Variants in PPP3R1 observed in about 807,000 individuals in gnomAD.
The protein encoded by PPP3R1 is calcineurin subunit B type 1.
A neutral mutation model predicts 22.6 loss-of-function variants in PPP3R1; 5 were observed. That is an observed-to-expected ratio of 0.22 (90% CI 0.12 to 0.46). The LOEUF (loss-of-function observed/expected upper bound fraction) is 0.46, where lower values mean the gene tolerates loss of function less well. Among genes scored for constraint, PPP3R1 ranks in the 20% least tolerant of loss-of-function variants. The pLI is 0.99. For synonymous variants in PPP3R1, 56 were observed against 65.2 expected, an observed-to-expected ratio of 0.86 and a Z score of 0.68; for missense variants, 61 against 203.2, an observed-to-expected ratio of 0.30 and a Z score of 4.25.
At chr2:68,251,302 G>A (rs1011906275) in intron 1 of PPP3R1, among the ~76,000 whole-genome samples, 1 of 151,922 alleles carries the variant, frequency 6.6e-6, no homozygotes, top group African/African-American at 2.4e-5. Flanking sequence ...GTGAGGGTAA[G>A]GAAAGACAAA....
chr2:68,238,331 C>G (rs1451919719), intron 1 of PPP3R1, among the ~76,000 whole-genome samples: 1 of 152,124 alleles, frequency 6.6e-6, no homozygotes, highest in Non-Finnish European at 1.5e-5. Flanking sequence ...TGGCCATTAA[C>G]TGCCTGGGAG....
At chr2:68,247,757 T>C (rs1670263402) in intron 1 of PPP3R1, among the ~76,000 whole-genome samples, 1 of 152,232 alleles carries the variant, frequency 6.6e-6, no homozygotes, top group African/African-American at 2.4e-5. Context: ...CCACCTCTTT[T>C]CTTCCCCATA....
chr2:68,180,305 GAGA>G lies in PPP3R1; in HGVS notation c.*655_*657del, dbSNP rs754046174. ...GGTGTATTAAAAGCTGCTCAGCAAT[GAGA>G]AGTAGTCCCTGGATATATTCATAAG... On this transcript the variant is annotated 3_prime_UTR_variant, in exon 6 of 6. Coordinates refer to ENST00000234310, the MANE Select transcript of PPP3R1 (RefSeq NM_000945.4). 2.0e-5 allele frequency: 3 copies of G among 152,528 alleles called. No individual in the cohort carries two copies. The highest frequency in any genetic ancestry group is 2.9e-5 in the Non-Finnish European group (2 of 68,040). 9.4% of individuals were successfully genotyped at this position (152,528 alleles called of 1,614,324 possible).
intron 1 of PPP3R1, among the ~76,000 whole-genome samples, chr2:68,244,172 CAGA>C (rs1174534267): frequency 1.3e-5 from 2 of 152,146 alleles, no homozygotes; most frequent in Admixed American, 6.5e-5. Context: ...GTAAATTGAT[CAGA>C]AGAACAAATC....
intron 1 of PPP3R1, among the ~76,000 whole-genome samples, chr2:68,238,635 A>C (rs188603046): frequency 6.6e-6 from 1 of 152,178 alleles, no homozygotes; most frequent in African/African-American, 2.4e-5. Context: ...AAAAACTCTC[A>C]TGGCAATAGG....
At chr2:68,188,979 C>T (rs943111476) in intron 2 of PPP3R1, among the ~76,000 whole-genome samples, 2 of 152,114 alleles carry the variant, frequency 1.3e-5, no homozygotes, top group South Asian at 4.1e-4. Context: ...TCAAGATATT[C>T]CAGGCCGGAT....
At chr2:68,210,596 G>A (rs1669458948) in intron 2 of PPP3R1, among the ~76,000 whole-genome samples, 1 of 152,084 alleles carries the variant, frequency 6.6e-6, no homozygotes, top group Non-Finnish European at 1.5e-5. Context: ...CAGCATTCCT[G>A]GAATTATATT....
At chr2:68,204,610 A>G (rs998182201) in intron 2 of PPP3R1, among the ~76,000 whole-genome samples, 2 of 152,186 alleles carry the variant, frequency 1.3e-5, no homozygotes, top group African/African-American at 2.4e-5. Flanking sequence ...GGGGAAAGTA[A>G]TTGTGCCCCT....
intron 1 of PPP3R1, among the ~76,000 whole-genome samples, chr2:68,233,530 A>C (rs911484252): frequency 1.2e-4 from 19 of 152,228 alleles, no homozygotes; most frequent in African/African-American, 4.3e-4. Flanking sequence ...AAATGTAAAA[A>C]TAATATTTTA....
At chr2:68,251,805 G>A (rs1301772891) in intron 1 of PPP3R1, among the ~76,000 whole-genome samples, 1 of 150,658 alleles carries the variant, frequency 6.6e-6, no homozygotes, top group Non-Finnish European at 1.5e-5. Flanking sequence ...CCGGGCTGAT[G>A]GTCAGCGGTG....
At chr2:68,239,600 G>A (rs1270813768) in intron 1 of PPP3R1, among the ~76,000 whole-genome samples, 1 of 152,120 alleles carries the variant, frequency 6.6e-6, no homozygotes, top group Non-Finnish European at 1.5e-5. Context: ...CTATGGACTG[G>A]AGAAGAGAAC....
chr2:68,209,528 T>C (rs913353430), intron 2 of PPP3R1, among the ~76,000 whole-genome samples: 1 of 150,918 alleles, frequency 6.6e-6, no homozygotes, highest in Non-Finnish European at 1.5e-5. Context: ...CTGAGGTGCA[T>C]GGATTGTTTG....
chr2:68,188,575 A>T lies in PPP3R1; in HGVS notation c.159T>A (p.Pro53=). Residue 53 remains proline, a synonymous_variant, in exon 3 of 6, where the codon CCT becomes CCA. Transcript: ENST00000234310. ...FMSLPELQQN[P]LVQRVIDIFD... is the part of the protein sequence containing the mutation. ...ATATATCTATTACTCGCTGTACTAA[A>T]GGATTCTGTTGTAACTCAGGCAGAG... 1 of 1,613,414 alleles carries T rather than the reference A, an allele frequency of 6.2e-7. No individual in the cohort carries two copies.
intron 1 of PPP3R1, among the ~76,000 whole-genome samples, chr2:68,243,023 A>G (rs1670163503): frequency 6.6e-6 from 1 of 152,208 alleles, no homozygotes; most frequent in African/African-American, 2.4e-5. Context: ...CCAGAAAAAC[A>G]AGTCAATGTA....
rs183905521 is a variant in PPP3R1, at chr2:68,211,276, G to A, written c.43+5816C>T. Among the ~76,000 whole-genome samples, 800 of 151,878 alleles carry A rather than the reference G, an allele frequency of 5.3e-3. 6 individuals carry two copies. Among genetic ancestry groups the A allele is most frequent in the African/African-American group, 0.019 (766 of 41,376 alleles). On this transcript the variant is annotated intron_variant, in intron 2 of 5. Transcript: ENST00000234310. ...AAAAAAATTAGCCCGGCGTGGTGGC[G>A]GGCGCCTGTAGTCCCAGCTACTCAG...
rs150002343 is a variant in PPP3R1 at position 68,196,390 on chromosome 2, T to C, written c.44-7700A>G. On this transcript the variant is annotated intron_variant, in intron 2 of 5. Transcript: ENST00000234310. Reference sequence around the variant, plus strand: ...CCAGTTTTATAATGATCTTGTTGTGTACCAAGTGGAAGTTTAATATTTATA... The same window carrying C: ...CCAGTTTTATAATGATCTTGTTGTGCACCAAGTGGAAGTTTAATATTTATA... Among the ~76,000 whole-genome samples the C allele has an allele frequency of 2.9e-3, 446 of 152,286 alleles. 5 individuals are homozygous for C. Among genetic ancestry groups the C allele is most frequent in the African/African-American group, 0.01 (429 of 41,556 alleles).
At chr2:68,241,865 T>C (rs1467081609) in intron 1 of PPP3R1, among the ~76,000 whole-genome samples, 1 of 148,490 alleles carries the variant, frequency 6.7e-6, no homozygotes, top group African/African-American at 2.5e-5. Flanking sequence ...AAAAAAAAGA[T>C]TACTACCAAT....
intron 2 of PPP3R1, among the ~76,000 whole-genome samples, chr2:68,207,921 C>T (rs1669346901): frequency 6.6e-6 from 1 of 152,138 alleles, no homozygotes; most frequent in African/African-American, 2.4e-5. Flanking sequence ...TTTAGGAGGC[C>T]GAGGCAGGCG....
At position 68,228,717 on chromosome 2, in the gene PPP3R1, G is replaced by C. The variant is rs926209565; in HGVS notation, c.4-11586C>G. 4.0e-5 allele frequency among the ~76,000 whole-genome samples: 6 copies of C among 151,740 alleles called. No individual in the cohort carries two copies. In the East Asian group the frequency reaches 9.7e-4, roughly 24 times the overall value. ...TCATCTTTTTTTCTAGGTTCTTGAA[G>C]TGGGAGCTTAGATTATTGATTTGAG... On this transcript the variant is annotated intron_variant, in intron 1 of 5. Coordinates refer to ENST00000234310, the MANE Select transcript of PPP3R1 (RefSeq NM_000945.4).
Sources: gnomAD v4.1 joint callset for allele counts (sites outside exome capture counted in the v4.1 genomes callset) on GRCh38, gnomAD v4.1.1 for gene constraint, MANE v1.5 for transcripts, NCBI Gene and HGNC (gene_info 2026-07-23, HGNC 2026-07-21) for gene names.